Variants in A1CF observed in about 807,000 individuals in gnomAD.
A1CF encodes the protein APOBEC-1 stimulating protein.
A neutral mutation model predicts 68.9 loss-of-function variants in A1CF; 48 were observed. That is an observed-to-expected ratio of 0.70 (90% CI 0.55 to 0.89). The LOEUF is 0.89. Ranked by LOEUF, A1CF falls within the 40% of genes least tolerant of loss-of-function variation. The pLI is 0.00. For missense variants in A1CF, 653 were observed against 718.9 expected (o/e 0.91, Z 1.05); for synonymous variants, 272 against 260.4 (o/e 1.04, Z -0.43).
chr10:50,836,345 A>G (rs1283117744), intron 5 of A1CF, 33 bp from the exon 6 acceptor site: 1 of 1,595,302 alleles, frequency 6.3e-7, no homozygotes, highest in Admixed American at 1.8e-5. Context: ...GATTGATGAG[A>G]ATCCTTGTAG....
At chr10:50,866,527 A>G (rs933275809) in intron 1 of A1CF, among the ~76,000 whole-genome samples, 1 of 152,208 alleles carries the variant, frequency 6.6e-6, no homozygotes, top group South Asian at 2.1e-4. Flanking sequence ...CAGTGGGTCC[A>G]GTTTCAGGGA....
rs1267509572 is a variant in A1CF at position 50,864,052 on chromosome 10, T to C, written c.-65A>G. On this transcript the variant is annotated 5_prime_UTR_variant, in exon 2 of 13. Transcript: ENST00000373997. The stretch of plus-strand genomic sequence containing the variant: ...ACTTACATAATTTTTGTAGAGAAAA[T>C]CCACAGGTTTTTGGCACAGCACTGT... 3 of 151,822 alleles carry C rather than the reference T, an allele frequency of 2.0e-5. No homozygotes were observed. Among genetic ancestry groups the C allele is most frequent in the African/African-American group, 4.8e-5 (2 of 41,302 alleles). The allele number at this position is 151,822 out of a possible 1,614,324, so 9.4% of individuals were successfully genotyped here.
intron 2 of A1CF, among the ~76,000 whole-genome samples, chr10:50,860,631 C>A (rs1317302505): frequency 6.6e-6 from 1 of 152,116 alleles, no homozygotes; most frequent in Non-Finnish European, 1.5e-5. Context: ...CAGTAGAGTA[C>A]ATGAAAACTT....
rs201930520 is a variant in A1CF, at chr10:50,814,086, A to G, written c.1142-48T>C. On this transcript the variant is annotated intron_variant, in intron 9 of 12. Coordinates refer to ENST00000373997, the MANE Select transcript of A1CF (RefSeq NM_014576.4). ...TTCTAGGAACGTAAGAAGGCATTAA[A>G]CTGAATCAAACCACCAGAAAATCAC... The G allele has an allele frequency of 2.7e-4, 426 of 1,598,964 alleles. 2 individuals carry two copies. Among genetic ancestry groups the G allele is most frequent in the African/African-American group, 2.3e-3 (169 of 74,626 alleles).
In A1CF at chr10:50,842,001, A is replaced by G. The variant is rs369952999; in HGVS notation, c.235-9T>C. ...TCATAAATTTTACCGATCTGCAAGT[A>G]ATAGAAATAGAACATTTATATTTAT... On this transcript the variant is annotated splice_polypyrimidine_tract_variant and intron_variant, in intron 4 of 12. Transcript: ENST00000373997. The G allele has an allele frequency of 2.5e-6, 4 of 1,600,100 alleles. No homozygotes were observed. The highest frequency in any genetic ancestry group is 3.4e-5 in the Admixed American group (2 of 59,504).
intron 2 of A1CF, among the ~76,000 whole-genome samples, chr10:50,861,309 GTAC>G (rs1401674556): frequency 6.7e-6 from 1 of 150,128 alleles, no homozygotes; most frequent in African/African-American, 2.4e-5. Flanking sequence ...AGTATTAATA[GTAC>G]TACTATTACT....
chr10:50,874,865 C>CCT (rs1457648132), intron 1 of A1CF, among the ~76,000 whole-genome samples: 1 of 152,140 alleles, frequency 6.6e-6, no homozygotes, highest in Non-Finnish European at 1.5e-5. Flanking sequence ...AGACTCCCTG[C>CCT]CTGGACTCAT....
intron 3 of A1CF, among the ~76,000 whole-genome samples, chr10:50,847,727 A>G (rs1840062483): frequency 6.6e-6 from 1 of 152,102 alleles, no homozygotes; most frequent in Non-Finnish European, 1.5e-5. Flanking sequence ...TTATTGGAAA[A>G]TCATGGTTTC....
chr10:50,832,416 AAGT>A (rs1232134426), intron 6 of A1CF, among the ~76,000 whole-genome samples: 1 of 152,154 alleles, frequency 6.6e-6, no homozygotes. Flanking sequence ...GGAGTTTTAA[AAGT>A]AGCTTAGTTA....
rs1002110228 is a variant in A1CF at position 50,804,531 on chromosome 10, G to C, written c.*2198C>G. ...AATTTGCCTGCCCCAATGGACATTT[G>C]TTATGTCAATGTAATCACTGTCTTT... On this transcript the variant is annotated 3_prime_UTR_variant, in exon 13 of 13. Transcript: ENST00000373997. 3.7e-4 allele frequency: 57 copies of C among 152,154 alleles called. 2 individuals carry two copies. The highest frequency in any genetic ancestry group is 4.4e-5 in the Non-Finnish European group (3 of 67,992). The allele number at this position is 152,154 out of a possible 1,614,324, so 9.4% of individuals were successfully genotyped here.
At chr10:50,853,773 G>A (rs558388595) in intron 3 of A1CF, among the ~76,000 whole-genome samples, 184 of 149,076 alleles carry the variant, frequency 1.2e-3, no homozygotes, top group African/African-American at 4.4e-3. Flanking sequence ...TTTGTAAAAG[G>A]CCAAATAGTT....
intron 1 of A1CF, among the ~76,000 whole-genome samples, chr10:50,877,844 C>T (rs567754350): frequency 8.5e-5 from 13 of 152,278 alleles, no homozygotes; most frequent in South Asian, 6.2e-4. Flanking sequence ...GAAAGAGGGC[C>T]GGGCGCCGTG....
rs951500614 is a variant in A1CF at position 50,830,558 on chromosome 10, C to T, written c.605-2263G>A. Among the ~76,000 whole-genome samples, 4 of 151,872 alleles carry T rather than the reference C, an allele frequency of 2.6e-5. No homozygotes were observed. In the East Asian group the frequency reaches 7.7e-4, roughly 29 times the overall value. ...CAAAAATACTTAGAAATAAATTTAA[C>T]CAACAAAATGAAAGATCTGTATACT... On this transcript the variant is annotated intron_variant, in intron 6 of 12. Coordinates refer to ENST00000373997, the MANE Select transcript of A1CF (RefSeq NM_014576.4).
chr10:50,849,032 T>G (rs890727744), intron 3 of A1CF, among the ~76,000 whole-genome samples: 12 of 152,160 alleles, frequency 7.9e-5, no homozygotes, highest in Non-Finnish European at 1.2e-4. Context: ...AAGTATTTAT[T>G]AGACATTATT....
intron 7 of A1CF, among the ~76,000 whole-genome samples, chr10:50,826,033 C>G (rs1182918983): frequency 1.3e-5 from 2 of 152,032 alleles, no homozygotes; most frequent in Non-Finnish European, 2.9e-5. Flanking sequence ...ATGATCTGTT[C>G]CAAAATATCA....
Position 50,822,067 on chromosome 10 carries a change from G to A in A1CF, c.770-1418C>T, listed in dbSNP as rs192360017. 5.3e-5 allele frequency among the ~76,000 whole-genome samples: 8 copies of A among 152,048 alleles called. No individual in the cohort carries two copies. The East Asian group carries it at 1.5e-3, about 29-fold the overall frequency. On this transcript the variant is annotated intron_variant, in intron 7 of 12. Coordinates refer to ENST00000373997, the MANE Select transcript of A1CF (RefSeq NM_014576.4). The stretch of plus-strand genomic sequence containing the variant: ...TTTCATATTTTAATTGATATATTTG[G>A]TATTTTACAAATATTTGCAAAGTTT...
At chr10:50,884,446 A>G (rs1393804817) in intron 1 of A1CF, among the ~76,000 whole-genome samples, 6 of 152,216 alleles carry the variant, frequency 3.9e-5, no homozygotes, top group African/African-American at 1.4e-4. Context: ...TGTATTTAGC[A>G]GGGCAAAACC....
chr10:50,830,954 C>T (rs1839208681), intron 6 of A1CF, among the ~76,000 whole-genome samples: 1 of 152,142 alleles, frequency 6.6e-6, no homozygotes, highest in Non-Finnish European at 1.5e-5. Flanking sequence ...GAAGTAAATC[C>T]ACACATTTAT....
At chr10:50,869,899 A>T (rs978058324) in intron 1 of A1CF, among the ~76,000 whole-genome samples, 1 of 151,858 alleles carries the variant, frequency 6.6e-6, no homozygotes, top group Non-Finnish European at 1.5e-5. Flanking sequence ...GCTTCCTATG[A>T]TATATAGCTC....
Sources: gnomAD v4.1 joint callset for allele counts (sites outside exome capture counted in the v4.1 genomes callset) on GRCh38, gnomAD v4.1.1 for gene constraint, MANE v1.5 for transcripts, NCBI Gene and HGNC (gene_info 2026-07-23, HGNC 2026-07-21) for gene names.